KIRREL3: variants seen among roughly 807,000 people sequenced by gnomAD.
KIRREL3 encodes the protein kirre like nephrin family adhesion molecule 3, also known as kin of IRRE-like protein 3.
In KIRREL3, 36 loss-of-function variants were observed where a neutral mutation model predicts 89.7. The observed-to-expected ratio is 0.40, with a 90% CI of 0.31 to 0.53. KIRREL3 has a LOEUF of 0.53. Among genes scored for constraint, KIRREL3 ranks in the 20% least tolerant of loss-of-function variants. The pLI is 0.49. For synonymous variants in KIRREL3, 445 were observed against 441.4 expected, an observed-to-expected ratio of 1.01 and a Z score of -0.10; for missense variants, 864 against 1,056.6, an observed-to-expected ratio of 0.82 and a Z score of 2.53.
chr11:126,549,576 T>A (rs1939094551), intron 2 of KIRREL3: 3 of 152,254 alleles, frequency 2.0e-5, no homozygotes, highest in African/African-American at 7.2e-5. Flanking sequence ...TCTCTGGGGC[T>A]TTCTTCAGAC....
In KIRREL3 at chr11:126,431,494, C is replaced by G; in HGVS notation, c.1621G>C (p.Ala541Pro). Residue 541 changes from alanine (A) to proline (P), a missense_variant, in exon 14 of 17, where the codon GCC becomes CCC. Physicochemically the swap from Ala to Pro is conservative, Grantham distance 27 (BLOSUM62 -1). Coordinates refer to ENST00000525144, the MANE Select transcript of KIRREL3 (RefSeq NM_032531.4). This position sits in a 1 kb window ranked among gnomAD's most constrained non-coding sequence, Gnocchi z 7.1. Reference sequence around the variant, plus strand: ...AGGAAGGCCACACCAGCTCCTACGGCCACCCCAATGATGACGGCCATCGGC... The same window carrying G: ...AGGAAGGCCACACCAGCTCCTACGGGCACCCCAATGATGACGGCCATCGGC... ...SVPMAVIIGV[A>P]VGAGVAFLVL... The G allele has an allele frequency of 6.2e-7, 1 of 1,613,984 alleles. No homozygotes were observed. The highest frequency in any genetic ancestry group is 8.5e-7 in the Non-Finnish European group (1 of 1,179,892).
rs1944251287 is a variant in KIRREL3, at chr11:126,635,971, G to T, written c.56-73059C>A. Among the ~76,000 whole-genome samples the T allele has an allele frequency of 6.6e-6, 1 of 152,224 alleles. No homozygotes were observed. The highest frequency in any genetic ancestry group is 2.1e-4 in the South Asian group (1 of 4,830). ...GCCAGCAGGCCTACAGGTAGCGGGA[G>T]GGATCAGTGGAGGAAGCGACGTGAT... On this transcript the variant is annotated intron_variant, in intron 1 of 16. Transcript: ENST00000525144. The surrounding 1 kb of genome is among the most constrained non-coding windows in gnomAD (Gnocchi z 4.0).
intron 1 of KIRREL3, among the ~76,000 whole-genome samples, chr11:126,929,952 C>T (rs999873778): frequency 1.5e-4 from 21 of 142,152 alleles, no homozygotes; most frequent in Middle Eastern, 3.5e-3. Flanking sequence ...GGAGCCACCC[C>T]CCCCCCCCCA....
At chr11:126,785,547 T>G (rs573061429) in intron 1 of KIRREL3, among the ~76,000 whole-genome samples, 4 of 152,060 alleles carry the variant, frequency 2.6e-5, no homozygotes, top group Non-Finnish European at 5.9e-5. Context: ...GGTCCTATTG[T>G]GTCCCTCCAA....
At chr11:126,875,906 A>G (rs1407086198) in intron 1 of KIRREL3, among the ~76,000 whole-genome samples, 2 of 152,220 alleles carry the variant, frequency 1.3e-5, no homozygotes, top group African/African-American at 2.4e-5. Flanking sequence ...TTGAGGGAAA[A>G]CATGGCATCC....
intron 1 of KIRREL3, among the ~76,000 whole-genome samples, chr11:126,698,364 T>A (rs1357369111): frequency 6.6e-6 from 1 of 152,224 alleles, no homozygotes; most frequent in African/African-American, 2.4e-5. Flanking sequence ...GCTAAGACTC[T>A]ATTTTAAAAA....
At chr11:126,923,129 C>CTCCTCCT (rs1246765425) in intron 1 of KIRREL3, among the ~76,000 whole-genome samples, 2 of 25,732 alleles carry the variant, frequency 7.8e-5, no homozygotes, top group Non-Finnish European at 1.6e-4. Context: ...TCTCCTTCTT[C>CTCCTCCT]TCTTCTTCTT....
Position 126,900,513 on chromosome 11 carries a change from C to A in KIRREL3, c.55+99942G>T, listed in dbSNP as rs1946332104. Among the ~76,000 whole-genome samples the A allele has an allele frequency of 6.6e-6, 1 of 152,160 alleles. No individual in the cohort carries two copies. The highest frequency in any genetic ancestry group is 2.4e-5 in the African/African-American group (1 of 41,446). On this transcript the variant is annotated intron_variant, in intron 1 of 16. Transcript: ENST00000525144. The surrounding 1 kb of genome is among the most constrained non-coding windows in gnomAD (Gnocchi z 4.4). ...CAAAAAAGTAATTAAACAATAATTT[C>A]TTTGTGAGTGCTGGACTTCTGAGGC...
intron 1 of KIRREL3, among the ~76,000 whole-genome samples, chr11:126,712,139 T>C (rs1420597384): frequency 6.6e-6 from 1 of 152,200 alleles, no homozygotes. Context: ...CCTACTCTAG[T>C]AGCATTTTCT....
rs77454271 is a variant in KIRREL3 at position 126,486,503 on chromosome 11, C to T, written c.434-13037G>A. 0.032 allele frequency among the ~76,000 whole-genome samples: 4,914 copies of T among 152,344 alleles called. 88 individuals carry two copies. Among genetic ancestry groups the T allele is most frequent in the Non-Finnish European group, 0.05 (3,377 of 68,030 alleles). ...TGCAGGAATAACCGGCACATGCCCCCTTGCAGCCGCTCACAAAGCTCTCCA... is the reference window on the plus strand; with the variant it reads ...TGCAGGAATAACCGGCACATGCCCCTTTGCAGCCGCTCACAAAGCTCTCCA... On this transcript the variant is annotated intron_variant, in intron 4 of 16. Transcript: ENST00000525144. The surrounding 1 kb of genome is among the most constrained non-coding windows in gnomAD (Gnocchi z 6.2).
At chr11:126,938,801 A>C (rs1402664035) in intron 1 of KIRREL3, among the ~76,000 whole-genome samples, 1 of 152,218 alleles carries the variant, frequency 6.6e-6, no homozygotes, top group Non-Finnish European at 1.5e-5. Flanking sequence ...ACTGATTACA[A>C]GATGCACAGT....
At position 126,475,915 on chromosome 11, in the gene KIRREL3, C is replaced by G. The variant is rs1957050225; in HGVS notation, c.434-2449G>C. ...TCTTTCTTCAAGGCAGCCTCCCCGA[C>G]CAGGATGGAGGAGCTCGGGCTCCAT... On this transcript the variant is annotated intron_variant, in intron 4 of 16. Transcript: ENST00000525144. This position sits in a 1 kb window ranked among gnomAD's most constrained non-coding sequence, Gnocchi z 7.5. 6.6e-6 allele frequency among the ~76,000 whole-genome samples: 1 copy of G among 152,190 alleles called. No homozygotes were observed. Among genetic ancestry groups the G allele is most frequent in the Non-Finnish European group, 1.5e-5 (1 of 68,024 alleles).
At chr11:126,980,881 T>C (rs575848337) in intron 1 of KIRREL3, among the ~76,000 whole-genome samples, 3 of 152,348 alleles carry the variant, frequency 2.0e-5, no homozygotes, top group Non-Finnish European at 2.9e-5. Context: ...TATATTTTCA[T>C]TGTTACTCTC....
At chr11:126,707,714 C>G (rs911763822) in intron 1 of KIRREL3, among the ~76,000 whole-genome samples, 3 of 152,170 alleles carry the variant, frequency 2.0e-5, no homozygotes, top group Non-Finnish European at 4.4e-5. Flanking sequence ...TTCTATTCCC[C>G]CTGTGGATTC....
intron 1 of KIRREL3, among the ~76,000 whole-genome samples, chr11:126,585,942 T>C (rs1941828784): frequency 6.6e-6 from 1 of 152,202 alleles, no homozygotes; most frequent in African/African-American, 2.4e-5. Context: ...TCTTGGCAAA[T>C]AAATATGATA....
chr11:126,894,977 T>C (rs1030169894), intron 1 of KIRREL3, among the ~76,000 whole-genome samples: 1 of 152,034 alleles, frequency 6.6e-6, no homozygotes. Context: ...TCATTCACAG[T>C]GTATTCCATC....
intron 1 of KIRREL3, among the ~76,000 whole-genome samples, chr11:126,838,364 C>T (rs1305030278): frequency 1.3e-5 from 2 of 152,198 alleles, no homozygotes; most frequent in Non-Finnish European, 2.9e-5. Context: ...TCAAATCACT[C>T]TAGGGCCAGA....
At chr11:126,810,399 A>G (rs1190593133) in intron 1 of KIRREL3, among the ~76,000 whole-genome samples, 1 of 152,180 alleles carries the variant, frequency 6.6e-6, no homozygotes, top group Non-Finnish European at 1.5e-5. Flanking sequence ...CTGCAGACAC[A>G]CAAGGACTTG....
chr11:126,937,674 T>A (rs570942772), intron 1 of KIRREL3, among the ~76,000 whole-genome samples: 1 of 150,300 alleles, frequency 6.7e-6, no homozygotes, highest in Non-Finnish European at 1.5e-5. Flanking sequence ...CCAAGGCGGG[T>A]GGATCACGAG....
Sources: gnomAD v4.1 joint callset for allele counts (sites outside exome capture counted in the v4.1 genomes callset) on GRCh38, gnomAD v4.1.1 for gene constraint, Gnocchi (gnomAD v3.1) non-coding constraint, MANE v1.5 for transcripts, NCBI Gene and HGNC (gene_info 2026-07-23, HGNC 2026-07-21) for gene names.